HTT: variants seen among roughly 807,000 people sequenced by gnomAD.
HTT encodes the protein huntington disease protein.
Under a neutral mutation model 362.3 loss-of-function variants are expected in HTT, and 104 were observed. That is an observed-to-expected ratio of 0.29 (90% CI 0.24 to 0.34). The LOEUF (loss-of-function observed/expected upper bound fraction) is 0.34. HTT is among the 10% of genes least tolerant of loss of function. The pLI, the probability that HTT is intolerant of heterozygous loss-of-function variation, is 1.00. For synonymous variants in HTT, 1,577 were observed against 1,548.7 expected (o/e 1.02, Z -0.43); for missense variants, 3,301 against 3,928.6 (o/e 0.84, Z 4.27).
At chr4:3,222,288 G>A (rs1411215917) in intron 53 of HTT, 99 bp from the exon 54 acceptor site, 5 of 917,866 alleles carry the variant, frequency 5.4e-6, no homozygotes, top group East Asian at 2.5e-5. Context: ...TTGGCGTGGA[G>A]CCTTCTCCAG....
In HTT at chr4:3,157,068, A is replaced by G; in HGVS notation, c.3626-4A>G. 1 of 1,585,712 alleles carries G rather than the reference A, an allele frequency of 6.3e-7. No individual in the cohort carries two copies. The highest frequency in any genetic ancestry group is 8.5e-7 in the Non-Finnish European group (1 of 1,171,000). On this transcript the variant is annotated splice_polypyrimidine_tract_variant and splice_region_variant and intron_variant, in intron 27 of 66. Transcript: ENST00000355072. ...GTTTATCTTTTGTGTGCATATTTTT[A>G]AAGCTTCTAGACAATCTGATACCTC...
rs373813917 is a variant in HTT, at chr4:3,087,916, T to C, written c.347+894T>C. ...CCCAGGCTGGAGTGCAATGGCGTGA[T>C]CTCGGCTCACTGCAACCTCTGCCTC... On this transcript the variant is annotated intron_variant, in intron 2 of 66. Transcript: ENST00000355072. Among the ~76,000 whole-genome samples, 143 of 152,270 alleles carry C rather than the reference T, an allele frequency of 9.4e-4. No homozygotes were observed. In the South Asian group the frequency reaches 0.012, roughly 13 times the overall value.
chr4:3,188,424 C>T (rs1025021347), intron 39 of HTT: 14 of 164,492 alleles, frequency 8.5e-5, no homozygotes, highest in Admixed American at 3.5e-4. Context: ...GGTCCCTCTC[C>T]ACCTTTGCTA....
intron 6 of HTT, among the ~76,000 whole-genome samples, chr4:3,109,087 A>G (rs1444230252): frequency 1.6e-4 from 25 of 151,596 alleles, no homozygotes; most frequent in Non-Finnish European, 1.5e-5. Flanking sequence ...ATATATTATC[A>G]ATGAAATTCA....
chr4:3,229,509 A>AC (rs1486497104), intron 59 of HTT, among the ~76,000 whole-genome samples: 1 of 143,054 alleles, frequency 7.0e-6, no homozygotes, highest in African/African-American at 2.6e-5. Context: ...ACGTGCACAC[A>AC]CCCCACACAC....
intron 28 of HTT, among the ~76,000 whole-genome samples, chr4:3,158,327 G>A (rs1187309240): frequency 6.6e-6 from 1 of 152,048 alleles, no homozygotes; most frequent in African/African-American, 2.4e-5. Context: ...TATTTATGAG[G>A]GGATCAGTTC....
At chr4:3,135,802 G>C in intron 19 of HTT, 102 bp from the exon 20 acceptor site, 1 of 758,354 alleles carries the variant, frequency 1.3e-6, no homozygotes, top group Non-Finnish European at 2.1e-6. Flanking sequence ...GCTGCCCAAG[G>C]TCCTTCCAGG....
chr4:3,233,865 T>C lies in HTT; in HGVS notation c.8456+512T>C, dbSNP rs1415151990. Reference sequence around the variant, plus strand: ...GAGCAAGTCAAGCTCTTCACAGCGATGTCTTACAAGCGCAGAGGGCTCTGT... The same window carrying C: ...GAGCAAGTCAAGCTCTTCACAGCGACGTCTTACAAGCGCAGAGGGCTCTGT... On this transcript the variant is annotated intron_variant, in intron 61 of 66. Transcript: ENST00000355072. 3.9e-5 allele frequency among the ~76,000 whole-genome samples: 6 copies of C among 152,332 alleles called. 1 individual carries two copies. The highest frequency in any genetic ancestry group is 1.4e-4 in the African/African-American group (6 of 41,586).
At chr4:3,221,370 AAC>A (rs1195084573) in intron 53 of HTT, among the ~76,000 whole-genome samples, 7 of 152,132 alleles carry the variant, frequency 4.6e-5, no homozygotes, top group Non-Finnish European at 8.8e-5. Flanking sequence ...CCCCTTGCCT[AAC>A]ACGAGCACCT....
At chr4:3,192,090 A>T (rs1346443742) in intron 40 of HTT, among the ~76,000 whole-genome samples, 1 of 152,180 alleles carries the variant, frequency 6.6e-6, no homozygotes, top group Non-Finnish European at 1.5e-5. Flanking sequence ...TTTTAAAGAT[A>T]GGGTCTCACT....
At chr4:3,108,214 G>A (rs1278216675) in intron 6 of HTT, among the ~76,000 whole-genome samples, 1 of 152,206 alleles carries the variant, frequency 6.6e-6, no homozygotes, top group East Asian at 1.9e-4. Context: ...TTAGATGTTA[G>A]CTGCTACTGC....
chr4:3,208,665 T>C (rs1578589733), intron 45 of HTT, 108 bp from the exon 46 acceptor site: 1 of 1,047,996 alleles, frequency 9.5e-7, no homozygotes, highest in East Asian at 2.7e-5. Flanking sequence ...TAATAGTGCA[T>C]CTCCTTAGAG....
At chr4:3,156,421 C>G (rs1470010369) in intron 27 of HTT, among the ~76,000 whole-genome samples, 1 of 152,144 alleles carries the variant, frequency 6.6e-6, no homozygotes, top group African/African-American at 2.4e-5. Context: ...CACCCGGCCT[C>G]AAGCGTTTTA....
intron 44 of HTT, 144 bp downstream of exon 44, chr4:3,207,127 A>T: frequency 9.6e-7 from 1 of 1,045,782 alleles, no homozygotes; most frequent in Non-Finnish European, 1.4e-6. Context: ...ACTTGCCGTT[A>T]CTCGTGTGTC....
rs200390355 is a variant in HTT at position 3,233,252 on chromosome 4, C to T, written c.8355C>T (p.Gly2785=). ...HLPSRVGALH[G]VLYVLECDLL... is the part of the protein sequence containing the mutation. ...CCAGCAGGGTTGGAGCCCTGCACGG[C>T]GTCCTCTATGTGCTGGAGTGCGACC... is the stretch of plus-strand genomic sequence containing the variant. The change falls in exon 61 of 67, where the codon GGC becomes GGT. Residue 2785 remains glycine, a synonymous_variant. Coordinates refer to ENST00000355072, the MANE Select transcript of HTT (RefSeq NM_001388492.1). The T allele has an allele frequency of 2.2e-5, 35 of 1,611,200 alleles. No individual in the cohort carries two copies. Among genetic ancestry groups the T allele is most frequent in the East Asian group, 1.3e-4 (6 of 44,824 alleles).
chr4:3,173,989 T>A (rs1010908817), intron 31 of HTT, among the ~76,000 whole-genome samples: 4 of 152,206 alleles, frequency 2.6e-5, no homozygotes, highest in African/African-American at 9.7e-5. Context: ...CTTAAATTTA[T>A]GTTTGTGTTT....
At position 3,099,502 on chromosome 4, in the gene HTT, A is replaced by C. The variant is rs948263746; in HGVS notation, c.468+108A>C. 2.7e-5 allele frequency: 39 copies of C among 1,471,166 alleles called. No homozygotes were observed. The East Asian group carries it at 8.9e-4, about 34-fold the overall frequency. The allele number at this position is 1,471,166 out of a possible 1,614,324, so 91.1% of individuals were successfully genotyped here. ...GTTTTGAGTCCCTGAGGATGTCTGC[A>C]CTTTTTTCCTTTCTGATGTATGGTT... is the stretch of plus-strand genomic sequence containing the variant. On this transcript the variant is annotated intron_variant, in intron 3 of 66. Transcript: ENST00000355072.
At chr4:3,148,319 C>A in intron 26 of HTT, 112 bp downstream of exon 26, 1 of 784,454 alleles carries the variant, frequency 1.3e-6, no homozygotes, top group Non-Finnish European at 2.0e-6. Flanking sequence ...TTTAAATGAA[C>A]AAAATTGCTC....
chr4:3,185,755 A>T (rs1206675761), intron 37 of HTT, among the ~76,000 whole-genome samples: 2 of 152,192 alleles, frequency 1.3e-5, no homozygotes, highest in Non-Finnish European at 2.9e-5. Flanking sequence ...TCTACTAGAA[A>T]TACAAAAAGT....
Sources: allele counts gnomAD v4.1 joint callset (sites outside exome capture counted in the v4.1 genomes callset), GRCh38; gene constraint gnomAD v4.1.1; transcripts MANE v1.5; gene names NCBI Gene and HGNC (gene_info 2026-07-23, HGNC 2026-07-21).